FAM114A1: variants seen among roughly 807,000 people sequenced by gnomAD.
The protein encoded by FAM114A1 is protein NOXP20.
Under a neutral mutation model 64.3 loss-of-function variants are expected in FAM114A1, and 62 were observed. That is an observed-to-expected ratio of 0.96 (90% CI 0.79 to 1.19). FAM114A1 has a LOEUF of 1.19. Among genes scored for constraint, FAM114A1 ranks in the 50% most tolerant of loss-of-function variants. The pLI, the probability that FAM114A1 is intolerant of heterozygous loss-of-function variation, is 0.00. For synonymous variants in FAM114A1, 254 were observed against 251.1 expected, an observed-to-expected ratio of 1.01 and a Z score of -0.11; for missense variants, 645 against 676.3, an observed-to-expected ratio of 0.95 and a Z score of 0.51.
rs776603660 is a variant in FAM114A1, at chr4:38,942,033, C to A, written c.1590+1012C>A. Among the ~76,000 whole-genome samples, 3 of 152,180 alleles carry A rather than the reference C, an allele frequency of 2.0e-5. No homozygotes were observed. In the East Asian group the frequency reaches 5.8e-4, roughly 29 times the overall value. ...ACATCTCACATGGCTGCAGACAAGACAAGAGAGCTTGTGCAGAGAAACTCC... is the reference window on the plus strand; with the variant it reads ...ACATCTCACATGGCTGCAGACAAGAAAAGAGAGCTTGTGCAGAGAAACTCC... On this transcript the variant is annotated intron_variant, in intron 14 of 14. Coordinates refer to ENST00000358869, the MANE Select transcript of FAM114A1 (RefSeq NM_138389.4).
intron 2 of FAM114A1, among the ~76,000 whole-genome samples, chr4:38,869,039 G>C (rs938467510): frequency 4.6e-5 from 7 of 152,208 alleles, no homozygotes; most frequent in African/African-American, 1.7e-4. Flanking sequence ...AAGTAAACTT[G>C]TCTTTGTTTA....
intron 2 of FAM114A1, among the ~76,000 whole-genome samples, chr4:38,872,746 T>C (rs568803633): frequency 7.6e-4 from 115 of 152,316 alleles, no homozygotes; most frequent in Non-Finnish European, 1.3e-3. Flanking sequence ...GGCCAGATAG[T>C]AAATATTTTA....
chr4:38,871,417 A>G (rs1714068868), intron 2 of FAM114A1, among the ~76,000 whole-genome samples: 1 of 151,968 alleles, frequency 6.6e-6, no homozygotes, highest in Admixed American at 6.5e-5. Flanking sequence ...AGATGTAAAG[A>G]TCTAGTATTA....
chr4:38,936,914 G>A (rs1040636687), intron 13 of FAM114A1, among the ~76,000 whole-genome samples: 4 of 152,194 alleles, frequency 2.6e-5, no homozygotes, highest in Admixed American at 6.5e-5. Context: ...AAATGTTACT[G>A]ATTGGCTCAA....
At chr4:38,886,851 C>G (rs558296085) in intron 3 of FAM114A1, among the ~76,000 whole-genome samples, 92 of 151,402 alleles carry the variant, frequency 6.1e-4, no homozygotes, top group African/African-American at 2.1e-3. Context: ...TCGCTTGAGC[C>G]CAGGAGGTGG....
intron 12 of FAM114A1, among the ~76,000 whole-genome samples, chr4:38,934,208 GGATAGT>G (rs879864154): frequency 5.9e-5 from 9 of 152,306 alleles, no homozygotes; most frequent in Middle Eastern, 3.4e-3. Flanking sequence ...CCCTAGGTAT[GGATAGT>G]GACCTTACTC....
At chr4:38,913,030 G>A (rs1047257003) in intron 7 of FAM114A1, among the ~76,000 whole-genome samples, 6 of 152,136 alleles carry the variant, frequency 3.9e-5, no homozygotes, top group African/African-American at 9.7e-5. Context: ...AGATAACCTC[G>A]AGAACCCAGA....
chr4:38,923,497 A>G (rs958873019), intron 9 of FAM114A1, among the ~76,000 whole-genome samples: 5 of 152,184 alleles, frequency 3.3e-5, no homozygotes, highest in Non-Finnish European at 7.3e-5. Flanking sequence ...CTGGGATTAC[A>G]GGCATGAGCC....
intron 3 of FAM114A1, among the ~76,000 whole-genome samples, chr4:38,886,927 CAA>C (rs570020908): frequency 3.1e-4 from 18 of 58,884 alleles, no homozygotes; most frequent in Admixed American, 3.8e-4. Flanking sequence ...GACTCCGTCT[CAA>C]AAAAAAAAAA....
intron 9 of FAM114A1, among the ~76,000 whole-genome samples, chr4:38,923,154 G>C (rs1719775137): frequency 6.6e-6 from 1 of 151,862 alleles, no homozygotes; most frequent in Non-Finnish European, 1.5e-5. Flanking sequence ...AAATGTGAAT[G>C]CATATAGTCA....
At position 38,878,059 on chromosome 4, in the gene FAM114A1, TTG is replaced by T. The variant is rs773865082; in HGVS notation, c.-8-8_-8-7del. 6.4e-7 allele frequency: 1 copy of T among 1,574,402 alleles called. No individual in the cohort carries two copies. The highest frequency in any genetic ancestry group is 8.7e-7 in the Non-Finnish European group (1 of 1,155,602). ...CGATGAAAGCATGAGGTGTTTATAA[TTG>T]TGTTGACAGATACTAAAATGTCTGA... On this transcript the variant is annotated splice_polypyrimidine_tract_variant and intron_variant, in intron 2 of 14. Coordinates refer to ENST00000358869, the MANE Select transcript of FAM114A1 (RefSeq NM_138389.4).
At chr4:38,907,709 A>G (rs1277503926) in intron 6 of FAM114A1, among the ~76,000 whole-genome samples, 2 of 152,204 alleles carry the variant, frequency 1.3e-5, no homozygotes, top group Non-Finnish European at 2.9e-5. Context: ...GATAATTATG[A>G]AGATTGGAAA....
In FAM114A1 at chr4:38,888,029, CT is replaced by C. The variant is rs1715985257; in HGVS notation, c.349-3713del. 2.6e-5 allele frequency among the ~76,000 whole-genome samples: 4 copies of C among 152,238 alleles called. No homozygotes were observed. The South Asian group carries it at 8.3e-4, about 32-fold the overall frequency. ...TCAAGGAAATAGAAGAACCAAGTTG[CT>C]CCTTCAGCTTTAAGATAAGTACATA... On this transcript the variant is annotated intron_variant, in intron 3 of 14. Transcript: ENST00000358869.
intron 13 of FAM114A1, among the ~76,000 whole-genome samples, chr4:38,939,074 T>G (rs904919919): frequency 3.3e-5 from 5 of 152,220 alleles, no homozygotes; most frequent in African/African-American, 1.2e-4. Flanking sequence ...AGATTCTGTA[T>G]TTCTAGTAAG....
chr4:38,929,234 A>G lies in FAM114A1; in HGVS notation c.1070-8A>G. Reference sequence around the variant, plus strand: ...AATCACGCTTCTTCTGTCGTGTTCTATTTCTAGGCTTAGAAGAAAAGGGAG... The same window carrying G: ...AATCACGCTTCTTCTGTCGTGTTCTGTTTCTAGGCTTAGAAGAAAAGGGAG... On this transcript the variant is annotated splice_region_variant and splice_polypyrimidine_tract_variant and intron_variant, in intron 9 of 14. Transcript: ENST00000358869. 1 of 1,606,502 alleles carries G rather than the reference A, an allele frequency of 6.2e-7. No homozygotes were observed. Among genetic ancestry groups the G allele is most frequent in the Non-Finnish European group, 8.5e-7 (1 of 1,173,134 alleles).
chr4:38,880,107 G>GTAGAATAGAGTAGAATAGAATAGAA (rs1553863241), intron 3 of FAM114A1, among the ~76,000 whole-genome samples: 1 of 127,274 alleles, frequency 7.9e-6, no homozygotes, highest in African/African-American at 3.1e-5. Flanking sequence ...ATAAAATAGA[G>GTAGAATAGAGTAGAATAGAATAGAA]TAGAATAGAA....
chr4:38,870,965 T>A (rs1420097191), intron 2 of FAM114A1, among the ~76,000 whole-genome samples: 3 of 152,168 alleles, frequency 2.0e-5, no homozygotes, highest in Non-Finnish European at 4.4e-5. Context: ...AAAATAATTT[T>A]TTTTCGTTTT....
At chr4:38,933,273 G>A (rs1014622194) in intron 12 of FAM114A1, among the ~76,000 whole-genome samples, 3 of 152,196 alleles carry the variant, frequency 2.0e-5, no homozygotes, top group African/African-American at 7.2e-5. Context: ...CATGAGGCGT[G>A]AAAGTACTTA....
At chr4:38,903,846 C>T (rs1241951811) in intron 4 of FAM114A1, among the ~76,000 whole-genome samples, 1 of 152,080 alleles carries the variant, frequency 6.6e-6, no homozygotes, top group Non-Finnish European at 1.5e-5. Context: ...GTTTACATTT[C>T]AGGGTTTTCT....
Sources: gnomAD v4.1 joint callset for allele counts (sites outside exome capture counted in the v4.1 genomes callset) on GRCh38, gnomAD v4.1.1 for gene constraint, MANE v1.5 for transcripts, NCBI Gene and HGNC (gene_info 2026-07-23, HGNC 2026-07-21) for gene names.